NAV3: variants seen among roughly 807,000 people sequenced by gnomAD.
NAV3 encodes the protein pore membrane and/or filament interacting like protein 1.
Under a neutral mutation model 244.7 loss-of-function variants are expected in NAV3, and 87 were observed. That is an observed-to-expected ratio of 0.36 (90% CI 0.30 to 0.42). The LOEUF (loss-of-function observed/expected upper bound fraction) is 0.42, where lower values mean the gene tolerates loss of function less well. NAV3 is among the 20% of genes least tolerant of loss of function. The pLI, the probability that NAV3 is intolerant of heterozygous loss-of-function variation, is 1.00. For missense variants in NAV3, 2,663 were observed against 2,893.3 expected, an observed-to-expected ratio of 0.92 and a Z score of 1.83; for synonymous variants, 1,126 against 1,042.2, an observed-to-expected ratio of 1.08 and a Z score of -1.55.
At chr12:78,129,794 C>T (rs1458041231) in intron 18 of NAV3, among the ~76,000 whole-genome samples, 1 of 152,076 alleles carries the variant, frequency 6.6e-6, no homozygotes, top group Non-Finnish European at 1.5e-5. Context: ...AAAAACACAT[C>T]TCTGAATTTA....
In NAV3 at chr12:78,188,669, A is replaced by C; in HGVS notation, c.5947A>C (p.Ser1983Arg). ...TGGTCTGAGCTCTGACTGCATTGCT[A>C]GCTACTGTATAGGAGACTTAATTAG... Reference protein sequence around the residue: ...SLGLSSDCIASYCIGDLIRSH... With the variant: ...SLGLSSDCIARYCIGDLIRSH... Residue 1983 changes from serine (S) to arginine (R), a missense_variant, in exon 33 of 40, where the codon AGC (serine) becomes CGC (arginine). This residue lies in a region of NAV3 where 543 missense variants were observed against 672.4 expected (regional missense o/e 0.81). Transcript: ENST00000397909. 1 of 1,612,328 alleles carries C rather than the reference A, an allele frequency of 6.2e-7. No individual in the cohort carries two copies. Among genetic ancestry groups the C allele is most frequent in the Non-Finnish European group, 8.5e-7 (1 of 1,178,944 alleles).
intron 2 of NAV3, among the ~76,000 whole-genome samples, chr12:77,733,834 A>ATTTTTTTTT (rs56770236): frequency 8.1e-6 from 1 of 124,216 alleles, no homozygotes; most frequent in African/African-American, 3.1e-5. Context: ...CTTGGTTTAG[A>ATTTTTTTTT]TTTTTTTTTT....
At chr12:77,631,910 A>G (rs1871918756) in intron 2 of NAV3, among the ~76,000 whole-genome samples, 1 of 152,158 alleles carries the variant, frequency 6.6e-6, no homozygotes, top group Non-Finnish European at 1.5e-5. Context: ...TAAATAACCC[A>G]TGTTGCCTGG....
At chr12:77,834,776 T>C (rs1322099874) in intron 1 of NAV3, among the ~76,000 whole-genome samples, 1 of 152,198 alleles carries the variant, frequency 6.6e-6, no homozygotes, top group Non-Finnish European at 1.5e-5. Context: ...ATGCCACTTA[T>C]CAGATTAAAA....
At chr12:78,169,091 A>G (rs1957897524) in intron 24 of NAV3, among the ~76,000 whole-genome samples, 1 of 151,722 alleles carries the variant, frequency 6.6e-6, no homozygotes, top group Non-Finnish European at 1.5e-5. Context: ...TTATCAGATA[A>G]TTTTTAAACT....
At chr12:78,160,813 A>T (rs1219981005) in intron 23 of NAV3, among the ~76,000 whole-genome samples, 2 of 151,806 alleles carry the variant, frequency 1.3e-5, no homozygotes, top group Non-Finnish European at 2.9e-5. Context: ...ACAGCTAACA[A>T]ACTCCTTTTG....
chr12:77,966,351 A>G (rs1279188509), intron 4 of NAV3, 50 bp downstream of exon 4: 2 of 1,443,520 alleles, frequency 1.4e-6, no homozygotes, highest in Non-Finnish European at 1.9e-6. Context: ...ATGTTTTTAA[A>G]TTATTTTTTA....
chr12:77,987,324 T>C (rs1377274752), intron 5 of NAV3, among the ~76,000 whole-genome samples: 1 of 152,212 alleles, frequency 6.6e-6, no homozygotes, highest in Non-Finnish European at 1.5e-5. Context: ...TTCAGCACTT[T>C]AATTTACAAA....
intron 12 of NAV3, among the ~76,000 whole-genome samples, chr12:78,065,851 G>T (rs1472540748): frequency 6.6e-6 from 1 of 152,128 alleles, no homozygotes; most frequent in Non-Finnish European, 1.5e-5. Context: ...GGGGAGAAAG[G>T]AATTTGATCT....
intron 12 of NAV3, among the ~76,000 whole-genome samples, chr12:78,068,085 T>C (rs1246413992): frequency 2.0e-5 from 3 of 151,986 alleles, no homozygotes; most frequent in African/African-American, 7.2e-5. Context: ...ATAATAGACA[T>C]AAGTATTGAG....
chr12:78,201,691 A>G (rs774182416), intron 38 of NAV3, among the ~76,000 whole-genome samples: 84 of 152,066 alleles, frequency 5.5e-4, no homozygotes, highest in Non-Finnish European at 1.9e-4. Flanking sequence ...TGTGTAACAT[A>G]ATCACCCAAT....
chr12:77,867,726 A>G (rs927309142), intron 1 of NAV3, among the ~76,000 whole-genome samples: 2 of 152,110 alleles, frequency 1.3e-5, no homozygotes, highest in Non-Finnish European at 1.5e-5. Context: ...GGCCTCAGGT[A>G]TGTCTTTATC....
intron 3 of NAV3, among the ~76,000 whole-genome samples, chr12:77,965,480 G>A (rs950962027): frequency 5.9e-5 from 9 of 152,092 alleles, no homozygotes; most frequent in African/African-American, 1.7e-4. Context: ...TTAGCGGGGC[G>A]TGGTGGCGTG....
At chr12:77,940,645 A>G (rs1237802261) in intron 2 of NAV3, among the ~76,000 whole-genome samples, 1 of 152,238 alleles carries the variant, frequency 6.6e-6, no homozygotes, top group Non-Finnish European at 1.5e-5. Flanking sequence ...GTATCTTTAT[A>G]TACATAAACT....
chr12:77,792,007 A>G (rs913672603), intron 2 of NAV3, among the ~76,000 whole-genome samples: 6 of 152,178 alleles, frequency 3.9e-5, no homozygotes, highest in African/African-American at 1.4e-4. Flanking sequence ...CCCTGTGGAT[A>G]TTGAGTGACA....
chr12:77,677,441 A>T (rs912954559), intron 2 of NAV3, among the ~76,000 whole-genome samples: 1 of 152,220 alleles, frequency 6.6e-6, no homozygotes, highest in Non-Finnish European at 1.5e-5. Context: ...TGTTGTTGCC[A>T]TCTTAAAATT....
chr12:78,139,955 T>C (rs940767376), intron 19 of NAV3, among the ~76,000 whole-genome samples: 5 of 152,206 alleles, frequency 3.3e-5, no homozygotes, highest in African/African-American at 9.6e-5. Flanking sequence ...ATGGCAACTT[T>C]AGTTTGGGTT....
intron 12 of NAV3, among the ~76,000 whole-genome samples, chr12:78,085,148 A>G (rs1953566187): frequency 6.6e-6 from 1 of 152,186 alleles, no homozygotes; most frequent in Non-Finnish European, 1.5e-5. Flanking sequence ...GTGAGAGTAA[A>G]CAAAACCTGT....
At chr12:78,149,075 G>A (rs568880888) in intron 22 of NAV3, among the ~76,000 whole-genome samples, 156 bp downstream of exon 22, 1 of 152,174 alleles carries the variant, frequency 6.6e-6, no homozygotes, top group East Asian at 1.9e-4. Context: ...TGCCTACTCA[G>A]TAATAAAATG....
Sources: gnomAD v4.1 joint callset for allele counts (sites outside exome capture counted in the v4.1 genomes callset) on GRCh38, gnomAD v4.1.1 for gene constraint, gnomAD v4.1.1 regional missense constraint, MANE v1.5 for transcripts, NCBI Gene and HGNC (gene_info 2026-07-23, HGNC 2026-07-21) for gene names.